The following DPH6 variants were observed in gnomAD, a reference collection of about 807,000 sequenced individuals.
DPH6 encodes diphthine--ammonia ligase.
In DPH6, 33 loss-of-function variants were observed where a neutral mutation model predicts 38.2. That is an observed-to-expected ratio of 0.86 (90% CI 0.65 to 1.15). The LOEUF is 1.15. Ranked by LOEUF, DPH6 falls within the 50% of genes most tolerant of loss-of-function variation. DPH6 has a pLI of 0.00. For synonymous variants in DPH6, 108 were observed against 103.0 expected, an observed-to-expected ratio of 1.05 and a Z score of -0.30; for missense variants, 325 against 320.0, an observed-to-expected ratio of 1.02 and a Z score of -0.12.
intron 5 of DPH6, among the ~76,000 whole-genome samples, chr15:35,436,196 G>A (rs889629774): frequency 5.9e-5 from 9 of 152,076 alleles, no homozygotes; most frequent in Non-Finnish European, 1.2e-4. Context: ...GCTGGGCGCG[G>A]TGGCTCATGC....
intron 7 of DPH6, among the ~76,000 whole-genome samples, chr15:35,376,611 T>TA (rs2052784207): frequency 6.6e-6 from 1 of 152,156 alleles, no homozygotes; most frequent in South Asian, 2.1e-4. Context: ...ACTCACTCAC[T>TA]GACTCACCCA....
intron 3 of DPH6, among the ~76,000 whole-genome samples, chr15:35,280,123 T>C (rs979247448): frequency 6.6e-6 from 1 of 152,220 alleles, no homozygotes; most frequent in African/African-American, 2.4e-5. Flanking sequence ...CAGTCTATAG[T>C]ATTTTGTAAT....
intron 3 of DPH6, among the ~76,000 whole-genome samples, chr15:35,294,173 C>T (rs1267389349): frequency 6.6e-6 from 1 of 152,152 alleles, no homozygotes; most frequent in East Asian, 1.9e-4. Flanking sequence ...ACTCCTATCC[C>T]CCTTTCCTCC....
chr15:35,278,271 G>A (rs1332403338), intron 3 of DPH6, among the ~76,000 whole-genome samples: 2 of 152,224 alleles, frequency 1.3e-5, no homozygotes, highest in South Asian at 2.1e-4. Context: ...GTGGCTCAAA[G>A]GCCCCAGGTA....
chr15:35,237,874 T>G, intron 3 of DPH6: 1 of 1,484,262 alleles, frequency 6.7e-7, no homozygotes, highest in Non-Finnish European at 9.4e-7. Flanking sequence ...ACGAAGATGC[T>G]CAGGTAGTGG....
chr15:35,150,429 T>C, the DPH6 span, among the ~76,000 whole-genome samples: 10 of 152,352 alleles, frequency 6.6e-5, no homozygotes, highest in Admixed American at 5.2e-4. Flanking sequence ...GAATCTCATT[T>C]GGTTTCCAAA....
chr15:35,410,867 T>G lies in DPH6; in HGVS notation c.535A>C (p.Thr179Pro), dbSNP rs1366141217. The G allele has an allele frequency of 1.2e-6, 2 of 1,604,602 alleles. No individual in the cohort carries two copies. Among genetic ancestry groups the G allele is most frequent in the South Asian group, 1.1e-5 (1 of 90,062 alleles). Residue 179 changes from threonine to proline, a missense_variant, in exon 6 of 9, where the codon ACC becomes CCC. Coordinates refer to ENST00000256538, the MANE Select transcript of DPH6 (RefSeq NM_080650.4). The stretch of plus-strand genomic sequence containing the variant: ...AGATAAGGCTCCATTTGATCCAGGG[T>G]TTTCCCAAGATGCTTATCAGGATCT... ...GLDPDKHLGK[T>P]LDQMEPYLIE...
At chr15:35,393,062 C>T (rs767340338) in intron 6 of DPH6, among the ~76,000 whole-genome samples, 60 of 152,122 alleles carry the variant, frequency 3.9e-4, no homozygotes, top group Admixed American at 2.6e-4. Flanking sequence ...AGAGAACCCA[C>T]GGAGAGGTTT....
intron 7 of DPH6, among the ~76,000 whole-genome samples, chr15:35,377,688 T>C (rs890968959): frequency 5.9e-5 from 9 of 152,186 alleles, no homozygotes; most frequent in African/African-American, 2.2e-4. Context: ...TGACTTCATC[T>C]GTCAATAGAC....
intron 6 of DPH6, among the ~76,000 whole-genome samples, chr15:35,407,669 G>C (rs993872075): frequency 6.6e-6 from 1 of 151,924 alleles, no homozygotes; most frequent in Non-Finnish European, 1.5e-5. Flanking sequence ...TAATGAGAAG[G>C]TATTAACCAG....
chr15:35,316,572 G>T (rs2052190554), intron 3 of DPH6, among the ~76,000 whole-genome samples: 2 of 152,036 alleles, frequency 1.3e-5, no homozygotes, highest in South Asian at 4.1e-4. Flanking sequence ...GCTGAAACTT[G>T]GTGAGTAAAA....
chr15:35,162,983 G>A, the DPH6 span, among the ~76,000 whole-genome samples: 1 of 151,846 alleles, frequency 6.6e-6, no homozygotes, highest in East Asian at 1.9e-4. Flanking sequence ...AAAGGCAGAG[G>A]AATCAGCAAA....
chr15:35,320,770 C>T (rs1255224713), intron 3 of DPH6, among the ~76,000 whole-genome samples: 2 of 152,198 alleles, frequency 1.3e-5, no homozygotes, highest in Admixed American at 6.5e-5. Flanking sequence ...GCTGATGGCA[C>T]TCTTCCCTGC....
intron 3 of DPH6, among the ~76,000 whole-genome samples, chr15:35,273,465 G>C (rs2051836835): frequency 6.6e-6 from 1 of 152,150 alleles, no homozygotes; most frequent in Non-Finnish European, 1.5e-5. Flanking sequence ...TTGTCTGTTT[G>C]CGGACTACAT....
intron 5 of DPH6, among the ~76,000 whole-genome samples, chr15:35,441,474 G>A (rs1595565595): frequency 6.6e-6 from 1 of 152,216 alleles, no homozygotes; most frequent in Non-Finnish European, 1.5e-5. Context: ...GGAGTACTAT[G>A]CAGCCATAAA....
chr15:35,239,545 G>A lies in DPH6; in HGVS notation n.201-18963C>T, dbSNP rs191180313. Among the ~76,000 whole-genome samples, 545 of 142,648 alleles carry A rather than the reference G, an allele frequency of 3.8e-3. 51 individuals carry two copies. The highest frequency in any genetic ancestry group is 0.013 in the African/African-American group (522 of 39,014). 93.6% of individuals were successfully genotyped at this position (142,648 alleles called of 152,430 possible). ...TCCCGCTTTTCTGGGGAAGGAGCAAGTACCCCAACCCCTTCTCTCCTTGTC... is the reference window on the plus strand; with the variant it reads ...TCCCGCTTTTCTGGGGAAGGAGCAAATACCCCAACCCCTTCTCTCCTTGTC... On this transcript the variant is annotated intron_variant and non_coding_transcript_variant, in intron 3 of 3. Coordinates refer to the DPH6 transcript ENST00000560386.
chr15:35,398,215 G>A (rs931943968), intron 6 of DPH6, among the ~76,000 whole-genome samples: 7 of 152,094 alleles, frequency 4.6e-5, no homozygotes, highest in Non-Finnish European at 7.4e-5. Context: ...GAGCTCCTAA[G>A]ACCTTTGTAA....
the DPH6 span, among the ~76,000 whole-genome samples, chr15:35,177,724 G>A: frequency 6.6e-6 from 1 of 151,914 alleles, no homozygotes; most frequent in Non-Finnish European, 1.5e-5. Context: ...CAGATCACCT[G>A]AGGTCAGGAG....
intron 5 of DPH6, among the ~76,000 whole-genome samples, chr15:35,415,248 CTG>C (rs139342124): frequency 3.1e-4 from 47 of 150,362 alleles, no homozygotes; most frequent in Admixed American, 8.6e-4. Flanking sequence ...TTCCCTCTAA[CTG>C]TGTGTGTGTG....
Sources: allele counts gnomAD v4.1 joint callset (sites outside exome capture counted in the v4.1 genomes callset), GRCh38; gene constraint gnomAD v4.1.1; transcripts MANE v1.5; gene names NCBI Gene and HGNC (gene_info 2026-07-23, HGNC 2026-07-21).